Variants in GATA4 observed in about 807,000 individuals in gnomAD.
The protein encoded by GATA4 is transcription factor GATA-4.
A neutral mutation model predicts 37.9 loss-of-function variants in GATA4; 7 were observed. The ratio of observed to expected loss-of-function variants is 0.18; its 90% CI spans 0.11 to 0.35. GATA4 has a LOEUF of 0.35. GATA4 is among the 10% of genes least tolerant of loss of function. GATA4 has a pLI of 1.00. For synonymous variants in GATA4, 372 were observed against 292.6 expected, an observed-to-expected ratio of 1.27 and a Z score of -2.77; for missense variants, 647 against 653.0, an observed-to-expected ratio of 0.99 and a Z score of 0.10.
chr8:11,708,601 G>T lies in GATA4; in HGVS notation c.289G>T (p.Ala97Ser), dbSNP rs1800008392. The stretch of plus-strand genomic sequence containing the variant: ...ATGGAGCCAGGCGGGAGCCGACGGA[G>T]CCGCTTACACCCCGCCGCCGGTGTC... ...PGWSQAGADG[A>S]AYTPPPVSPR... The change falls in exon 2 of 7, where the codon GCC becomes TCC. Residue 97 changes from alanine to serine, a missense_variant. By Grantham distance (99) the Ala-to-Ser change is moderately conservative. Coordinates refer to ENST00000532059, the MANE Select transcript of GATA4 (RefSeq NM_001308093.3). The surrounding 1 kb of genome is among the most constrained non-coding windows in gnomAD (Gnocchi z 6.7). 5.1e-6 allele frequency: 7 copies of T among 1,359,884 alleles called. No individual in the cohort carries two copies. Among genetic ancestry groups the T allele is most frequent in the Non-Finnish European group, 6.6e-6 (7 of 1,058,672 alleles). 84.2% of individuals were successfully genotyped at this position (1,359,884 alleles called of 1,614,324 possible).
rs375780318 is a variant in GATA4, at chr8:11,707,304, G to A, written c.-457-552G>A. 6.6e-5 allele frequency among the ~76,000 whole-genome samples: 10 copies of A among 150,450 alleles called. No individual in the cohort carries two copies. The highest frequency in any genetic ancestry group is 5.8e-4 in the East Asian group (3 of 5,158). ...ACCGTTGTTCACTTATAAACATTTGGACTCTACTTCTGGTTTTTTTTTTTT... is the reference window on the plus strand; with the variant it reads ...ACCGTTGTTCACTTATAAACATTTGAACTCTACTTCTGGTTTTTTTTTTTT... On this transcript the variant is annotated intron_variant, in intron 1 of 6. Transcript: ENST00000532059. This position sits in a 1 kb window ranked among gnomAD's most constrained non-coding sequence, Gnocchi z 4.7.
chr8:11,694,605 G>C, intron 1 of GATA4: 2 of 698,108 alleles, frequency 2.9e-6, no homozygotes, highest in Non-Finnish European at 3.5e-6. Context: ...TTGTTCCTAA[G>C]AGGAAACACA....
chr8:11,712,745 C>T (rs1396629356), intron 2 of GATA4, among the ~76,000 whole-genome samples: 1 of 150,674 alleles, frequency 6.6e-6, no homozygotes, highest in African/African-American at 2.4e-5. Flanking sequence ...CCTATAACTC[C>T]AGCAACTCAG....
chr8:11,756,821 C>T (rs1029400777), intron 5 of GATA4, 114 bp from the exon 6 acceptor site: 37 of 1,422,818 alleles, frequency 2.6e-5, no homozygotes, highest in East Asian at 1.1e-4. Context: ...CTGCTGTCCC[C>T]GGCAAATGTA....
rs1466505122 is a variant in GATA4, at chr8:11,709,800, C to T, written c.616+872C>T. Among the ~76,000 whole-genome samples, 1 of 152,190 alleles carries T rather than the reference C, an allele frequency of 6.6e-6. No homozygotes were observed. The highest frequency in any genetic ancestry group is 1.9e-4 in the East Asian group (1 of 5,180). On this transcript the variant is annotated intron_variant, in intron 2 of 6. Transcript: ENST00000532059. The surrounding 1 kb of genome is among the most constrained non-coding windows in gnomAD (Gnocchi z 4.3). Reference sequence around the variant, plus strand: ...GACGGCAAACCTGTCTCAACCTCCACTGATTCACAAATAAACGCAGCGGGA... The same window carrying T: ...GACGGCAAACCTGTCTCAACCTCCATTGATTCACAAATAAACGCAGCGGGA...
upstream of GATA4, among the ~76,000 whole-genome samples, chr8:11,688,524 G>GCACACA (rs56159918): frequency 7.8e-4 from 116 of 149,620 alleles, no homozygotes; most frequent in South Asian, 7.4e-3. Flanking sequence ...GTGCGCGCAT[G>GCACACA]CACACACACA....
chr8:11,729,960 C>G (rs568966765), intron 2 of GATA4, among the ~76,000 whole-genome samples: 1 of 152,256 alleles, frequency 6.6e-6, no homozygotes, highest in South Asian at 2.1e-4. Context: ...AGGTCTTGCT[C>G]CATTGCCCAG....
At chr8:11,680,604 G>C in intron 1 of GATA4, 1 of 985,378 alleles carries the variant, frequency 1.0e-6, no homozygotes. Context: ...GGTCCGAGCG[G>C]CGGTCGGTGG....
In GATA4 at chr8:11,755,039, C is replaced by A. The variant is rs915238757; in HGVS notation, c.913-7C>A. On this transcript the variant is annotated splice_polypyrimidine_tract_variant and splice_region_variant and intron_variant, in intron 4 of 6. Transcript: ENST00000532059. ...AAAACCCTATATATTTACTTGTGACCCTCCAGGTCCCCAGGCCTCTTGCAA... is the reference window on the plus strand; with the variant it reads ...AAAACCCTATATATTTACTTGTGACACTCCAGGTCCCCAGGCCTCTTGCAA... 1.9e-6 allele frequency: 3 copies of A among 1,612,296 alleles called. No homozygotes were observed. The highest frequency in any genetic ancestry group is 2.5e-6 in the Non-Finnish European group (3 of 1,178,376).
In GATA4 at chr8:11,708,843, C is replaced by A. The variant is rs573733348; in HGVS notation, c.531C>A (p.Ala177=). 456 of 1,498,040 alleles carry A rather than the reference C, an allele frequency of 3.0e-4. 2 individuals carry two copies. The East Asian group carries it at 0.012, about 40-fold the overall frequency. 92.8% of individuals were successfully genotyped at this position (1,498,040 alleles called of 1,614,324 possible). The change falls in exon 2 of 7, where the codon GCC becomes GCA. Residue 177 remains alanine (A), a synonymous_variant. Coordinates refer to ENST00000532059, the MANE Select transcript of GATA4 (RefSeq NM_001308093.3). This position sits in a 1 kb window ranked among gnomAD's most constrained non-coding sequence, Gnocchi z 6.7. ...ADVGASWAAA[A]AASAGPFDSP... The stretch of plus-strand genomic sequence containing the variant: ...TGGGCGCGTCCTGGGCCGCAGCCGC[C>A]GCCGCCTCCGCCGGCCCCTTCGACA...
rs570432102 is a variant in GATA4 at position 11,729,862 on chromosome 8, C to T, written c.617-19054C>T. 1.7e-3 allele frequency among the ~76,000 whole-genome samples: 261 copies of T among 152,314 alleles called. 1 individual carries two copies. Among genetic ancestry groups the T allele is most frequent in the African/African-American group, 5.6e-3 (234 of 41,554 alleles). ...AGTTACTTATTAGTTAGTCGTTATA[C>T]ATTTTTGGTTTTTAAACCCAATATA... On this transcript the variant is annotated intron_variant, in intron 2 of 6. Transcript: ENST00000532059.
rs551273417 is a variant in GATA4, at chr8:11,681,111, G to A, written c.-274+4048G>A. ...ATGGGTGGCGCCCCAGGCTCGCAGGGTTCGTGGTCCGGAAAACCGAGCCCA... is the reference window on the plus strand; with the variant it reads ...ATGGGTGGCGCCCCAGGCTCGCAGGATTCGTGGTCCGGAAAACCGAGCCCA... On this transcript the variant is annotated intron_variant, in intron 1 of 6. Coordinates refer to the GATA4 transcript ENST00000528712. 1.2e-4 allele frequency: 121 copies of A among 983,068 alleles called. No homozygotes were observed. In the African/African-American group the frequency reaches 1.7e-3, roughly 14 times the overall value. 60.9% of individuals were successfully genotyped at this position (983,068 alleles called of 1,614,324 possible).
rs1801128914 is a variant in GATA4 at position 11,730,033 on chromosome 8, C to G, written c.617-18883C>G. Among the ~76,000 whole-genome samples the G allele has an allele frequency of 3.9e-5, 6 of 152,248 alleles. No individual in the cohort carries two copies. The South Asian group carries it at 1.2e-3, about 32-fold the overall frequency. ...CTTTACCTCCAGGGTTCAAGGAATC[C>G]TCACACCTCAGCCTCCTGAGTAGCT... is the stretch of plus-strand genomic sequence containing the variant. On this transcript the variant is annotated intron_variant, in intron 2 of 6. Coordinates refer to ENST00000532059, the MANE Select transcript of GATA4 (RefSeq NM_001308093.3).
chr8:11,753,414 C>T (rs1366447201), intron 4 of GATA4, among the ~76,000 whole-genome samples: 4 of 151,362 alleles, frequency 2.6e-5, no homozygotes, highest in Admixed American at 1.3e-4. Context: ...GGTGTGAATG[C>T]GCTTAACACT....
At chr8:11,712,338 G>A (rs931203777) in intron 2 of GATA4, among the ~76,000 whole-genome samples, 1 of 152,096 alleles carries the variant, frequency 6.6e-6, no homozygotes, top group African/African-American at 2.4e-5. Flanking sequence ...CCATCGTTGT[G>A]GTTTGGTAAT....
At chr8:11,753,366 G>A (rs535950289) in intron 4 of GATA4, among the ~76,000 whole-genome samples, 5 of 152,244 alleles carry the variant, frequency 3.3e-5, no homozygotes, top group South Asian at 2.1e-4. Context: ...TTTGCAAGAC[G>A]AGAAGAGTTC....
intron 2 of GATA4, among the ~76,000 whole-genome samples, chr8:11,736,607 A>G (rs60893253): frequency 0.019 from 2,882 of 152,316 alleles, 83 homozygotes; most frequent in South Asian, 0.099. Flanking sequence ...GGGGGTGTGG[A>G]TGTGGACCTG....
At chr8:11,732,619 G>T (rs186738288) in intron 2 of GATA4, among the ~76,000 whole-genome samples, 1 of 152,208 alleles carries the variant, frequency 6.6e-6, no homozygotes, top group Non-Finnish European at 1.5e-5. Context: ...TCATGAACAC[G>T]TCAGGTGAAC....
At chr8:11,726,242 G>A (rs1397107528) in intron 2 of GATA4, among the ~76,000 whole-genome samples, 4 of 152,218 alleles carry the variant, frequency 2.6e-5, no homozygotes, top group Admixed American at 2.6e-4. Flanking sequence ...CCTTGTAAAA[G>A]GAACCTGAGA....
Sources: gnomAD v4.1 joint callset for allele counts (sites outside exome capture counted in the v4.1 genomes callset) on GRCh38, gnomAD v4.1.1 for gene constraint, Gnocchi (gnomAD v3.1) non-coding constraint, MANE v1.5 for transcripts, NCBI Gene and HGNC (gene_info 2026-07-23, HGNC 2026-07-21) for gene names.